The following USP6NL variants were observed in gnomAD, a reference collection of about 807,000 sequenced individuals.
USP6NL encodes USP6 N-terminal-like protein.
USP6NL carries 26 observed loss-of-function variants against 61.9 expected under a neutral mutation model. The observed-to-expected ratio is 0.42, with a 90% confidence interval of 0.31 to 0.58. USP6NL has a LOEUF of 0.58. Among genes scored for constraint, USP6NL ranks in the 20% least tolerant of loss-of-function variants. The pLI is 0.16. For synonymous variants in USP6NL, 432 were observed against 390.1 expected, an observed-to-expected ratio of 1.11 and a Z score of -1.27; for missense variants, 1,114 against 1,034.3, an observed-to-expected ratio of 1.08 and a Z score of -1.06.
intron 2 of USP6NL, among the ~76,000 whole-genome samples, chr10:11,530,501 T>C (rs1325221935): frequency 6.6e-6 from 1 of 152,200 alleles, no homozygotes; most frequent in East Asian, 1.9e-4. Context: ...CATCCTGATT[T>C]TTTGGGAGAA....
intron 2 of USP6NL, among the ~76,000 whole-genome samples, chr10:11,543,606 T>G (rs1223114583): frequency 1.3e-5 from 2 of 151,984 alleles, no homozygotes; most frequent in African/African-American, 4.8e-5. Flanking sequence ...ATATATATTA[T>G]CTTCCTAATA....
rs556398309 is a variant in USP6NL at position 11,483,131 on chromosome 10, G to A, written c.926-1209C>T. ...TTGAACCAGCATCTCCTCCCATCCC[G>A]CAGCCACCCTTCCATTTCGGAAGCT... is the stretch of plus-strand genomic sequence containing the variant. On this transcript the variant is annotated intron_variant, in intron 13 of 14. Coordinates refer to ENST00000609104, the MANE Select transcript of USP6NL (RefSeq NM_014688.5). Among the ~76,000 whole-genome samples the A allele has an allele frequency of 3.9e-5, 6 of 152,166 alleles. No individual in the cohort carries two copies. In the South Asian group the frequency reaches 1.0e-3, roughly 26 times the overall value.
rs554278572 is a variant in USP6NL at position 11,463,080 on chromosome 10, C to T, written c.1848G>A (p.Pro616=). The T allele has an allele frequency of 7.4e-6, 12 of 1,613,954 alleles. No individual in the cohort carries two copies. The East Asian group carries it at 8.9e-5, about 12-fold the overall frequency. The change falls in exon 15 of 15, where the codon CCG becomes CCA. Residue 616 remains proline, a synonymous_variant. Coordinates refer to ENST00000609104, the MANE Select transcript of USP6NL (RefSeq NM_014688.5). The surrounding 1 kb of genome is among the most constrained non-coding windows in gnomAD (Gnocchi z 6.3). ...CTCGGGCTTCCCCATCTAGCTGGGA[C>T]GGATATCGTGCATGACTTGGAGGCT... is the stretch of plus-strand genomic sequence containing the variant. ...KVQPPSHARY[P]SQLDGEARGL... is the part of the protein sequence containing the mutation.
intron 6 of USP6NL, among the ~76,000 whole-genome samples, chr10:11,506,182 G>A (rs1212532739): frequency 6.6e-6 from 1 of 152,026 alleles, no homozygotes; most frequent in Non-Finnish European, 1.5e-5. Context: ...AAAAAAAAAT[G>A]GTTAATATGG....
At chr10:11,586,267 A>G (rs1376374240) in intron 2 of USP6NL, among the ~76,000 whole-genome samples, 1 of 152,194 alleles carries the variant, frequency 6.6e-6, no homozygotes, top group African/African-American at 2.4e-5. Flanking sequence ...AATTAGGCAT[A>G]AAAAGCTCAA....
intron 4 of USP6NL, among the ~76,000 whole-genome samples, chr10:11,522,977 G>A (rs375653189): frequency 2.0e-5 from 3 of 152,128 alleles, no homozygotes; most frequent in African/African-American, 2.4e-5. Context: ...CGGTTTCATC[G>A]CCTAAAAAGA....
chr10:11,530,618 G>A (rs1269896348), intron 2 of USP6NL, among the ~76,000 whole-genome samples: 1 of 152,106 alleles, frequency 6.6e-6, no homozygotes, highest in Non-Finnish European at 1.5e-5. Context: ...TTACCCCATG[G>A]GGAGAAAATT....
chr10:11,539,697 AT>A (rs1835974886), intron 2 of USP6NL, among the ~76,000 whole-genome samples: 1 of 152,212 alleles, frequency 6.6e-6, no homozygotes, highest in African/African-American at 2.4e-5. Context: ...TCAAGATTAT[AT>A]TTTAGCTGCT....
intron 6 of USP6NL, among the ~76,000 whole-genome samples, chr10:11,507,034 C>G (rs911821686): frequency 6.6e-6 from 1 of 152,234 alleles, no homozygotes; most frequent in South Asian, 2.1e-4. Context: ...TTATAGTTAT[C>G]GGAGAGTGCT....
chr10:11,518,545 G>A lies in USP6NL; in HGVS notation c.185C>T (p.Ala62Val). 4.3e-6 allele frequency: 7 copies of A among 1,612,968 alleles called. No homozygotes were observed. The highest frequency in any genetic ancestry group is 5.1e-6 in the Non-Finnish European group (6 of 1,179,518). The change falls in exon 5 of 15, where the codon GCT (alanine) becomes GTT (valine). Residue 62 changes from alanine (A) to valine (V), a missense_variant. Transcript: ENST00000609104. The surrounding 1 kb of genome is among the most constrained non-coding windows in gnomAD (Gnocchi z 5.3). ...AAGAGCAGGACTTACCCGTTCCACA[G>A]CCACATTATGATCTGGGAGCTCCTC... Reference protein sequence around the residue: ...HEEELPDHNVAVERQKHLEIE... With the variant: ...HEEELPDHNVVVERQKHLEIE...
chr10:11,465,925 A>G lies in USP6NL; in HGVS notation c.1079-2076T>C, dbSNP rs141949072. Among the ~76,000 whole-genome samples, 3 of 152,320 alleles carry G rather than the reference A, an allele frequency of 2.0e-5. No individual in the cohort carries two copies. The highest frequency in any genetic ancestry group is 1.9e-4 in the East Asian group (1 of 5,192). On this transcript the variant is annotated intron_variant, in intron 14 of 14. Coordinates refer to ENST00000609104, the MANE Select transcript of USP6NL (RefSeq NM_014688.5). The surrounding 1 kb of genome is among the most constrained non-coding windows in gnomAD (Gnocchi z 4.5). ...TAATTTGCTTGTATGGTCCTAGCAC[A>G]TTTTCAGTGTCAACAATGTAATGAA... is the stretch of plus-strand genomic sequence containing the variant.
At chr10:11,502,753 T>C (rs540260939) in intron 6 of USP6NL, among the ~76,000 whole-genome samples, 1 of 152,350 alleles carries the variant, frequency 6.6e-6, no homozygotes, top group Admixed American at 6.5e-5. Flanking sequence ...ACTTTTATTA[T>C]AAAACAGTGA....
intron 14 of USP6NL, among the ~76,000 whole-genome samples, chr10:11,469,530 T>C (rs529520419): frequency 5.1e-4 from 78 of 152,324 alleles, no homozygotes; most frequent in African/African-American, 1.9e-3. Context: ...AACTACTGTT[T>C]AAGAGGAATA....
rs1833614986 is a variant in USP6NL at position 11,489,375 on chromosome 10, T to C, written c.544-153A>G. On this transcript the variant is annotated intron_variant, in intron 9 of 14. Coordinates refer to ENST00000609104, the MANE Select transcript of USP6NL (RefSeq NM_014688.5). The surrounding 1 kb of genome is among the most constrained non-coding windows in gnomAD (Gnocchi z 5.7). ...ACAAATACTATACTCTTTACAGTAT[T>C]ATGCCACATAAGAGAATAAAATTGT... 6.6e-6 allele frequency among the ~76,000 whole-genome samples: 1 copy of C among 152,242 alleles called. No homozygotes were observed. Among genetic ancestry groups the C allele is most frequent in the Admixed American group, 6.5e-5 (1 of 15,294 alleles).
At position 11,494,532 on chromosome 10, in the gene USP6NL, A is replaced by G. The variant is rs886802226; in HGVS notation, c.385-1304T>C. On this transcript the variant is annotated intron_variant, in intron 7 of 14. Coordinates refer to ENST00000609104, the MANE Select transcript of USP6NL (RefSeq NM_014688.5). ...AAGACAAAGAGATAAAAGAAAAGAC[A>G]GCTGGGCCCAGGGGACCACTACTAC... is the stretch of plus-strand genomic sequence containing the variant. Among the ~76,000 whole-genome samples the G allele has an allele frequency of 3.9e-5, 6 of 152,190 alleles. No individual in the cohort carries two copies. In the East Asian group the frequency reaches 5.8e-4, roughly 15 times the overall value.
intron 2 of USP6NL, among the ~76,000 whole-genome samples, chr10:11,571,973 AAT>A (rs1259079696): frequency 6.6e-6 from 1 of 150,944 alleles, no homozygotes; most frequent in Non-Finnish European, 1.5e-5. Flanking sequence ...ATAAGATATA[AAT>A]ATCTTATTTA....
chr10:11,559,947 T>C (rs1001769614), intron 2 of USP6NL, among the ~76,000 whole-genome samples: 2 of 152,186 alleles, frequency 1.3e-5, no homozygotes, highest in African/African-American at 4.8e-5. Context: ...CAAGTAGTAT[T>C]TGTGCATGAA....
intron 2 of USP6NL, among the ~76,000 whole-genome samples, chr10:11,581,535 C>T (rs537220794): frequency 2.6e-5 from 4 of 152,172 alleles, no homozygotes; most frequent in Non-Finnish European, 5.9e-5. Flanking sequence ...AATTGAACTA[C>T]TGTCATCCTT....
rs530362196 is a variant in USP6NL at position 11,540,518 on chromosome 10, T to G, written c.5-12951A>C. ...TTTAAGAACTTCTTTCCCAGCTCAT[T>G]CAGAATTGCAAGTATGTGCAGTTAT... On this transcript the variant is annotated intron_variant, in intron 2 of 14. Transcript: ENST00000609104. This position sits in a 1 kb window ranked among gnomAD's most constrained non-coding sequence, Gnocchi z 5.0. 6.6e-6 allele frequency among the ~76,000 whole-genome samples: 1 copy of G among 152,308 alleles called. No homozygotes were observed. Among genetic ancestry groups the G allele is most frequent in the African/African-American group, 2.4e-5 (1 of 41,574 alleles).
Sources: allele counts gnomAD v4.1 joint callset (sites outside exome capture counted in the v4.1 genomes callset), GRCh38; gene constraint gnomAD v4.1.1; non-coding constraint Gnocchi (gnomAD v3.1); transcripts MANE v1.5; gene names NCBI Gene and HGNC (gene_info 2026-07-23, HGNC 2026-07-21).